The following ADGRA3 variants were observed in gnomAD, a reference collection of about 807,000 sequenced individuals.
ADGRA3 encodes adhesion G protein-coupled receptor A3.
In ADGRA3, 56 loss-of-function variants were observed where a neutral mutation model predicts 119.8. That is an observed-to-expected ratio of 0.47 (90% CI 0.38 to 0.58). The LOEUF (loss-of-function observed/expected upper bound fraction) is 0.58, where lower values mean the gene tolerates loss of function less well. ADGRA3 is among the 20% of genes least tolerant of loss of function. The pLI, the probability that ADGRA3 is intolerant of heterozygous loss-of-function variation, is 0.00. For synonymous variants in ADGRA3, 607 were observed against 623.8 expected, an observed-to-expected ratio of 0.97 and a Z score of 0.40; for missense variants, 1,516 against 1,649.0, an observed-to-expected ratio of 0.92 and a Z score of 1.40.
chr4:22,473,991 T>C (rs1328438043), intron 1 of ADGRA3, 148 bp from the exon 2 acceptor site: 3 of 503,332 alleles, frequency 6.0e-6, no homozygotes, highest in Non-Finnish European at 1.1e-5. Context: ...AGTGAGTGTC[T>C]TCCCCTTTCT....
At chr4:22,426,523 A>G (rs1715938891) in intron 10 of ADGRA3, among the ~76,000 whole-genome samples, 1 of 152,234 alleles carries the variant, frequency 6.6e-6, no homozygotes, top group East Asian at 1.9e-4. Flanking sequence ...TGAGCCAGAC[A>G]CTGGTGCAAC....
intron 14 of ADGRA3, 92 bp from the exon 15 acceptor site, chr4:22,402,891 C>A: frequency 8.1e-7 from 1 of 1,232,256 alleles, no homozygotes; most frequent in Non-Finnish European, 1.1e-6. Flanking sequence ...CATCAATAAA[C>A]AAAAACTCTG....
At position 22,391,595 on chromosome 4, in the gene ADGRA3, GATT is replaced by G. The variant is rs1297634029; in HGVS notation, c.2627+947_2627+949del. On this transcript the variant is annotated intron_variant, in intron 17 of 18. Coordinates refer to ENST00000334304, the MANE Select transcript of ADGRA3 (RefSeq NM_145290.4). ...AGAATTCCTTGTTCTTAGGAATTCT[GATT>G]TATACTCCATACTAGAGCCATAGCT... Among the ~76,000 whole-genome samples, 1,192 of 152,182 alleles carry G rather than the reference GATT, an allele frequency of 7.8e-3. 14 individuals are homozygous for G. Among genetic ancestry groups the G allele is most frequent in the African/African-American group, 0.027 (1,134 of 41,496 alleles).
At chr4:22,446,948 A>G (rs1716853663) in intron 5 of ADGRA3, among the ~76,000 whole-genome samples, 1 of 152,188 alleles carries the variant, frequency 6.6e-6, no homozygotes, top group South Asian at 2.1e-4. Context: ...AGAAACTGTA[A>G]ATCAGAACTT....
chr4:22,502,636 A>C (rs1719088885), intron 1 of ADGRA3, among the ~76,000 whole-genome samples: 1 of 152,150 alleles, frequency 6.6e-6, no homozygotes, highest in African/African-American at 2.4e-5. Context: ...CAACAAGGAG[A>C]AACATCACAA....
At chr4:22,393,817 C>T (rs1199641787) in intron 16 of ADGRA3, 3 of 152,094 alleles carry the variant, frequency 2.0e-5, no homozygotes, top group South Asian at 2.1e-4. Flanking sequence ...AATTATCAAT[C>T]GCCACCTCTA....
At chr4:22,491,850 T>C (rs1481656065) in intron 1 of ADGRA3, among the ~76,000 whole-genome samples, 2 of 152,160 alleles carry the variant, frequency 1.3e-5, no homozygotes, top group African/African-American at 2.4e-5. Flanking sequence ...TTTTAACAAG[T>C]ATGAGAATAA....
intron 10 of ADGRA3, among the ~76,000 whole-genome samples, chr4:22,433,691 C>T (rs141424200): frequency 0.01 from 1,554 of 152,316 alleles, 23 homozygotes; most frequent in South Asian, 0.054. Flanking sequence ...TCTTCCATGT[C>T]CACATTCCAA....
chr4:22,419,681 TC>T (rs1422540663), intron 12 of ADGRA3, among the ~76,000 whole-genome samples: 1 of 152,174 alleles, frequency 6.6e-6, no homozygotes, highest in African/African-American at 2.4e-5. Context: ...TTTTAAGTAT[TC>T]CTCAAAAAAC....
intron 2 of ADGRA3, among the ~76,000 whole-genome samples, chr4:22,465,288 C>A (rs931556622): frequency 3.9e-5 from 6 of 152,300 alleles, no homozygotes; most frequent in Middle Eastern, 3.4e-3. Context: ...ATTTTCAACA[C>A]CATCCCTTCA....
At chr4:22,475,726 C>CA (rs1560336192) in intron 1 of ADGRA3, among the ~76,000 whole-genome samples, 1 of 139,120 alleles carries the variant, frequency 7.2e-6, no homozygotes, top group Admixed American at 7.2e-5. Context: ...GACTCCGTCT[C>CA]GGAAAAAAAA....
Position 22,482,891 on chromosome 4 carries a change from T to G in ADGRA3, c.258-9048A>C, listed in dbSNP as rs148274186. On this transcript the variant is annotated intron_variant, in intron 1 of 18. Coordinates refer to ENST00000334304, the MANE Select transcript of ADGRA3 (RefSeq NM_145290.4). ...GCCTTGGGGCAGGAGAGCAGTTAGC[T>G]GAGGGCCCCCAGCCACAGACGTCTA... 1.8e-4 allele frequency among the ~76,000 whole-genome samples: 28 copies of G among 152,298 alleles called. No homozygotes were observed. The East Asian group carries it at 5.0e-3, about 27-fold the overall frequency.
At chr4:22,423,640 C>A (rs1358901759) in intron 11 of ADGRA3, among the ~76,000 whole-genome samples, 1 of 152,126 alleles carries the variant, frequency 6.6e-6, no homozygotes, top group Admixed American at 6.5e-5. Context: ...AAGTCATTAT[C>A]CCAAGAGTGG....
Position 22,515,894 on chromosome 4 carries a change from A to C in ADGRA3, c.-110T>G. On this transcript the variant is annotated 5_prime_UTR_variant, in exon 1 of 19. Transcript: ENST00000334304. ...CGGGCCCAGCGGCGACCGGAGCCTTATGGCGGCCGGAGGACGGGCCTTCCC... is the reference window on the plus strand; with the variant it reads ...CGGGCCCAGCGGCGACCGGAGCCTTCTGGCGGCCGGAGGACGGGCCTTCCC... 6 of 735,698 alleles carry C rather than the reference A, an allele frequency of 8.2e-6. No individual in the cohort carries two copies. Among genetic ancestry groups the C allele is most frequent in the Non-Finnish European group, 9.9e-6 (6 of 603,390 alleles). 45.6% of individuals were successfully genotyped at this position (735,698 alleles called of 1,614,324 possible).
chr4:22,410,690 A>G (rs1311637315), intron 14 of ADGRA3, among the ~76,000 whole-genome samples: 2 of 152,112 alleles, frequency 1.3e-5, no homozygotes, highest in African/African-American at 4.8e-5. Flanking sequence ...TTTTAAAAAC[A>G]ATTTTTTCAA....
chr4:22,482,121 T>A (rs957230028), intron 1 of ADGRA3, among the ~76,000 whole-genome samples: 1 of 152,216 alleles, frequency 6.6e-6, no homozygotes, highest in African/African-American at 2.4e-5. Flanking sequence ...TTAGCTCTTG[T>A]GTGTCAAGAA....
intron 4 of ADGRA3, among the ~76,000 whole-genome samples, chr4:22,448,678 C>T (rs1189155619): frequency 2.0e-5 from 3 of 152,130 alleles, no homozygotes. Context: ...GATGGGAAGA[C>T]CTGATATCAC....
At position 22,513,845 on chromosome 4, in the gene ADGRA3, C is replaced by CAAAA. The variant is rs59015584; in HGVS notation, c.257+1679_257+1682dup. Reference sequence around the variant, plus strand: ...TATTTTCATCTAAAAAGCTTTCAGGCAAAAAAAAAAAAAAAAAAAAAAAAA... The same window carrying CAAAA: ...TATTTTCATCTAAAAAGCTTTCAGGCAAAAAAAAAAAAAAAAAAAAAAAAAAAAA... On this transcript the variant is annotated intron_variant, in intron 1 of 18. Coordinates refer to ENST00000334304, the MANE Select transcript of ADGRA3 (RefSeq NM_145290.4). Among the ~76,000 whole-genome samples, 131 of 31,476 alleles carry CAAAA rather than the reference C, an allele frequency of 4.2e-3. 9 individuals carry two copies. Among genetic ancestry groups the CAAAA allele is most frequent in the African/African-American group, 0.012 (120 of 10,142 alleles). 20.6% of individuals were successfully genotyped at this position (31,476 alleles called of 152,430 possible). A position where few individuals can be genotyped will look rare whatever the true frequency, so the allele number is the denominator to read the frequency against.
chr4:22,476,140 G>A (rs992335934), intron 1 of ADGRA3, among the ~76,000 whole-genome samples: 1 of 151,994 alleles, frequency 6.6e-6, no homozygotes, highest in Admixed American at 6.6e-5. Flanking sequence ...AAACCACAAA[G>A]GATTTGTTGT....
Sources: allele counts gnomAD v4.1 joint callset (sites outside exome capture counted in the v4.1 genomes callset), GRCh38; gene constraint gnomAD v4.1.1; transcripts MANE v1.5; gene names NCBI Gene and HGNC (gene_info 2026-07-23, HGNC 2026-07-21).